The following LIPC variants were observed in gnomAD, a reference collection of about 807,000 sequenced individuals.
LIPC encodes the protein lipase C, hepatic type, also known as hepatic triacylglycerol lipase.
A neutral mutation model predicts 50.7 loss-of-function variants in LIPC; 44 were observed. The observed-to-expected ratio is 0.87, with a 90% CI of 0.68 to 1.11. The LOEUF is 1.11. Among genes scored for constraint, LIPC ranks in the 50% most tolerant of loss-of-function variants. LIPC has a pLI of 0.00. For synonymous variants in LIPC, 271 were observed against 256.4 expected, an observed-to-expected ratio of 1.06 and a Z score of -0.54; for missense variants, 697 against 648.2, an observed-to-expected ratio of 1.08 and a Z score of -0.82.
At chr15:58,563,905 C>A in intron 8 of LIPC, 182 bp downstream of exon 8, 1 of 652,668 alleles carries the variant, frequency 1.5e-6, no homozygotes, top group Non-Finnish European at 2.8e-6. Flanking sequence ...GGTGCCAGGA[C>A]AAGGATTCAC....
chr15:58,537,624 A>G (rs898835120), intron 1 of LIPC, among the ~76,000 whole-genome samples: 2 of 152,144 alleles, frequency 1.3e-5, no homozygotes, highest in African/African-American at 4.8e-5. Flanking sequence ...GCCTCGACTC[A>G]TGTTGCTCCC....
At chr15:58,509,959 TAA>T (rs3052269) in intron 1 of LIPC, among the ~76,000 whole-genome samples, 117,629 of 151,098 alleles carry the variant, frequency 0.78, 45,898 homozygotes, top group African/African-American at 0.86. Flanking sequence ...ATTGAATCAT[TAA>T]AAAAAAAAAG....
At chr15:58,467,925 G>T (rs1360005244) in intron 1 of LIPC, among the ~76,000 whole-genome samples, 1 of 152,164 alleles carries the variant, frequency 6.6e-6, no homozygotes, top group Non-Finnish European at 1.5e-5. Flanking sequence ...GGGTCAGCTG[G>T]AACTGCTTCT....
At position 58,467,965 on chromosome 15, in the gene LIPC, G is replaced by A. The variant is rs1894635294; in HGVS notation, c.88+35845G>A. ...CAAGGACCGCTCTTAACAAAGAACT[G>A]AGGCTTCCTAAACTTCAGTTTCTGG... is the stretch of plus-strand genomic sequence containing the variant. On this transcript the variant is annotated intron_variant, in intron 1 of 8. Coordinates refer to ENST00000299022, the MANE Select transcript of LIPC (RefSeq NM_000236.3). 3.9e-5 allele frequency among the ~76,000 whole-genome samples: 6 copies of A among 152,276 alleles called. No homozygotes were observed. In the South Asian group the frequency reaches 1.2e-3, roughly 32 times the overall value.
At chr15:58,552,383 T>TCGG (rs1398324310) in intron 6 of LIPC, among the ~76,000 whole-genome samples, 4 of 152,204 alleles carry the variant, frequency 2.6e-5, no homozygotes, top group Admixed American at 2.0e-4. Flanking sequence ...GCACTTGGCC[T>TCGG]CGGCGTAGGA....
chr15:58,465,629 G>A (rs41292488), intron 1 of LIPC, among the ~76,000 whole-genome samples: 4,350 of 152,178 alleles, frequency 0.029, 203 homozygotes, highest in African/African-American at 0.099. Flanking sequence ...GTGAATCCAG[G>A]AAGTTGGAGG....
At position 58,541,905 on chromosome 15, in the gene LIPC, A is replaced by C; in HGVS notation, c.394A>C (p.Ile132Leu). The C allele has an allele frequency of 6.2e-7, 1 of 1,611,944 alleles. No homozygotes were observed. Among genetic ancestry groups the C allele is most frequent in the Non-Finnish European group, 8.5e-7 (1 of 1,179,954 alleles). Residue 132 changes from isoleucine (I) to leucine (L), a missense_variant, in exon 3 of 9, where the codon ATC (isoleucine) becomes CTC (leucine). Physicochemically the swap from Ile to Leu is conservative, Grantham distance 5. Coordinates refer to ENST00000299022, the MANE Select transcript of LIPC (RefSeq NM_000236.3). ...WITLAHDHYT[I>L]AVRNTRLVGK... The stretch of plus-strand genomic sequence containing the variant: ...CACCCTGGCCCACGACCACTACACC[A>C]TCGCCGTCCGCAACACCCGCCTTGT...
Position 58,560,976 on chromosome 15 carries a change from CA to C in LIPC, c.1165del (p.Thr389LeufsTer25). 6.8e-7 allele frequency: 1 copy of C among 1,470,588 alleles called. No individual in the cohort carries two copies. The highest frequency in any genetic ancestry group is 9.5e-7 in the Non-Finnish European group (1 of 1,051,228). The allele number at this position is 1,470,588 out of a possible 1,614,324, so 91.1% of individuals were successfully genotyped here. A position where few individuals can be genotyped will look rare whatever the true frequency, so the allele number is the denominator to read the frequency against. ...TKEKMQKIPI[T>X]LGKGIASNKT... Reference sequence around the variant, plus strand: ...AAGAGAAAATGCAGAAAATTCCCATCACTCTGTGAGTAGGAGGTGTAGCCCC... The same window carrying C: ...AAGAGAAAATGCAGAAAATTCCCATCCTCTGTGAGTAGGAGGTGTAGCCCC... On this transcript the variant is annotated frameshift_variant, in exon 7 of 9. Transcript: ENST00000299022. LOFTEE classifies it high-confidence loss of function.
intron 6 of LIPC, among the ~76,000 whole-genome samples, chr15:58,558,453 C>T (rs1894034737): frequency 6.6e-6 from 1 of 152,172 alleles, no homozygotes; most frequent in South Asian, 2.1e-4. Context: ...GGGATTTGAG[C>T]ATCTATTGTA....
intron 6 of LIPC, among the ~76,000 whole-genome samples, chr15:58,555,342 T>C (rs553601252): frequency 2.4e-4 from 37 of 152,160 alleles, no homozygotes; most frequent in Admixed American, 7.8e-4. Context: ...CCAGGATGGA[T>C]GTCAAGGGGT....
At chr15:58,449,263 G>C (rs944860862) in intron 1 of LIPC, among the ~76,000 whole-genome samples, 1 of 152,186 alleles carries the variant, frequency 6.6e-6, no homozygotes, top group Non-Finnish European at 1.5e-5. Context: ...GGCAGCCATC[G>C]ATTAGGACTA....
At chr15:58,559,781 C>G (rs928709737) in intron 6 of LIPC, among the ~76,000 whole-genome samples, 2 of 151,780 alleles carry the variant, frequency 1.3e-5, no homozygotes, top group African/African-American at 2.4e-5. Context: ...TGCATCCAAC[C>G]CTGGGGAATC....
At chr15:58,446,531 A>G (rs192753278) in intron 1 of LIPC, among the ~76,000 whole-genome samples, 15 of 152,198 alleles carry the variant, frequency 9.9e-5, no homozygotes, top group African/African-American at 2.9e-4. Context: ...CTGTTTGCTG[A>G]GCTTCTGCCA....
Position 58,545,756 on chromosome 15 carries a change from G to C in LIPC, c.589G>C (p.Gly197Arg), listed in dbSNP as rs1205270730. Reference protein sequence around the residue: ...IGRITGLDAAGPLFEGSAPSN... With the variant: ...IGRITGLDAARPLFEGSAPSN... ...TTTCCCATTAGGGCTGGATGCCGCGGGACCTTTGTTTGAGGGAAGTGCCCC... is the reference window on the plus strand; with the variant it reads ...TTTCCCATTAGGGCTGGATGCCGCGCGACCTTTGTTTGAGGGAAGTGCCCC... The change falls in exon 5 of 9, where the codon GGA (glycine) becomes CGA (arginine). Residue 197 changes from glycine (G) to arginine (R), a missense_variant. By Grantham distance (125) the Gly-to-Arg change is moderately radical. Transcript: ENST00000299022. The C allele has an allele frequency of 6.2e-7, 1 of 1,614,164 alleles. No individual in the cohort carries two copies. Among genetic ancestry groups the C allele is most frequent in the Non-Finnish European group, 8.5e-7 (1 of 1,180,026 alleles).
chr15:58,449,560 T>C (rs986429058), intron 1 of LIPC, among the ~76,000 whole-genome samples: 3 of 152,020 alleles, frequency 2.0e-5, no homozygotes, highest in African/African-American at 7.2e-5. Flanking sequence ...TTTGTTCTTT[T>C]TTTTTTTTTT....
intron 1 of LIPC, among the ~76,000 whole-genome samples, chr15:58,433,219 C>T (rs531853915): frequency 1.8e-4 from 27 of 152,278 alleles, no homozygotes; most frequent in African/African-American, 6.3e-4. Context: ...TCTTTATTCC[C>T]TTGGTTCATA....
intron 1 of LIPC, among the ~76,000 whole-genome samples, chr15:58,537,026 T>A (rs1196941198): frequency 6.6e-6 from 1 of 152,206 alleles, no homozygotes; most frequent in African/African-American, 2.4e-5. Context: ...ATGGGCTGAA[T>A]TGAGTTCACT....
chr15:58,566,021 G>C (rs1894353934), intron 8 of LIPC: 1 of 985,024 alleles, frequency 1.0e-6, no homozygotes, highest in Non-Finnish European at 1.2e-6. Context: ...GTCCATCCCA[G>C]GGCTTCTCAA....
chr15:58,487,568 G>C lies in LIPC; in HGVS notation c.89-50765G>C, dbSNP rs79857977. On this transcript the variant is annotated intron_variant, in intron 1 of 8. Transcript: ENST00000299022. Reference sequence around the variant, plus strand: ...AAACTGAATGCATTTTTGCTTCTCAGTTGTTGGACATATTATTTACTACCT... The same window carrying C: ...AAACTGAATGCATTTTTGCTTCTCACTTGTTGGACATATTATTTACTACCT... Among the ~76,000 whole-genome samples, 921 of 152,298 alleles carry C rather than the reference G, an allele frequency of 6.0e-3. 8 individuals carry two copies. Among genetic ancestry groups the C allele is most frequent in the African/African-American group, 0.021 (882 of 41,542 alleles).
Sources: gnomAD v4.1 joint callset for allele counts (sites outside exome capture counted in the v4.1 genomes callset) on GRCh38, gnomAD v4.1.1 for gene constraint, MANE v1.5 for transcripts, NCBI Gene and HGNC (gene_info 2026-07-23, HGNC 2026-07-21) for gene names.